Variants in FAM168A observed in about 807,000 individuals in gnomAD.
FAM168A encodes the protein family with sequence similarity 168 member A.
Under a neutral mutation model 28.5 loss-of-function variants are expected in FAM168A, and 3 were observed. That is an observed-to-expected ratio of 0.11 (90% CI 0.05 to 0.27). FAM168A has a LOEUF of 0.27. Ranked by LOEUF, FAM168A falls within the 10% of genes least tolerant of loss-of-function variation. The probability of loss-of-function intolerance (pLI) is 1.00; values close to 1 mark genes in which losing one functional copy is unlikely to be tolerated. For missense variants in FAM168A, 222 were observed against 311.5 expected, an observed-to-expected ratio of 0.71 and a Z score of 2.16; for synonymous variants, 122 against 124.2, an observed-to-expected ratio of 0.98 and a Z score of 0.12.
intron 1 of FAM168A, among the ~76,000 whole-genome samples, chr11:73,494,210 T>C (rs931339133): frequency 2.0e-5 from 3 of 152,130 alleles, no homozygotes; most frequent in Non-Finnish European, 4.4e-5. Context: ...TCAAAGATCA[T>C]TTAATTTAAG....
intron 1 of FAM168A, among the ~76,000 whole-genome samples, chr11:73,485,651 G>A (rs141839767): frequency 3.0e-4 from 46 of 151,832 alleles, no homozygotes; most frequent in African/African-American, 9.9e-4. Context: ...TTTGTTTTTC[G>A]TCCTATTTTA....
chr11:73,431,954 CTCTAA>C (rs1392314447), intron 2 of FAM168A, among the ~76,000 whole-genome samples: 2 of 152,134 alleles, frequency 1.3e-5, no homozygotes, highest in Non-Finnish European at 2.9e-5. Flanking sequence ...GCCTGGTAAC[CTCTAA>C]TCTACTTTCT....
At chr11:73,557,178 T>C (rs1943901508) in intron 1 of FAM168A, among the ~76,000 whole-genome samples, 1 of 152,176 alleles carries the variant, frequency 6.6e-6, no homozygotes, top group Non-Finnish European at 1.5e-5. Context: ...GGAAGGAAAT[T>C]CTGACACGTA....
chr11:73,418,498 CTT>C (rs1565235995), intron 4 of FAM168A, among the ~76,000 whole-genome samples: 2 of 152,240 alleles, frequency 1.3e-5, no homozygotes, highest in Non-Finnish European at 2.9e-5. Context: ...AATTAAACCT[CTT>C]TTCTTTATGA....
intron 1 of FAM168A, among the ~76,000 whole-genome samples, chr11:73,580,958 T>C (rs1944235805): frequency 6.6e-6 from 1 of 152,240 alleles, no homozygotes; most frequent in Non-Finnish European, 1.5e-5. Flanking sequence ...TGTCAGGCAA[T>C]CTGGACTTTC....
intron 1 of FAM168A, among the ~76,000 whole-genome samples, chr11:73,525,881 A>C (rs1354880491): frequency 6.6e-6 from 1 of 152,184 alleles, no homozygotes; most frequent in African/African-American, 2.4e-5. Flanking sequence ...ACATGTTCAA[A>C]TTACCTTATT....
intron 2 of FAM168A, among the ~76,000 whole-genome samples, chr11:73,456,414 G>T (rs760530082): frequency 2.6e-5 from 4 of 152,180 alleles, no homozygotes; most frequent in Non-Finnish European, 4.4e-5. Flanking sequence ...ATACTGCTAT[G>T]TCTTGAGCTA....
chr11:73,492,283 AC>A (rs1868139382), intron 1 of FAM168A, among the ~76,000 whole-genome samples: 2 of 152,228 alleles, frequency 1.3e-5, no homozygotes, highest in African/African-American at 4.8e-5. Flanking sequence ...TCACTTAACA[AC>A]ATAACCAGCA....
rs151249596 is a variant in FAM168A, at chr11:73,472,672, G to GTACT, written c.-18-4181_-18-4180insAGTA. ...AACAGTTCAGATGAAAGATGATGGT[G>GTACT]GTAGTAGCAGTGATGGTGGTGGTGG... is the stretch of plus-strand genomic sequence containing the variant. On this transcript the variant is annotated intron_variant, in intron 1 of 7. Transcript: ENST00000356467. 9.9e-3 allele frequency among the ~76,000 whole-genome samples: 1,502 copies of GTACT among 152,244 alleles called. 27 individuals are homozygous for GTACT. The highest frequency in any genetic ancestry group is 0.034 in the African/African-American group (1,400 of 41,534).
chr11:73,426,671 ATGTGTGTGTG>A (rs199657971), intron 3 of FAM168A, among the ~76,000 whole-genome samples: 3 of 143,692 alleles, frequency 2.1e-5, no homozygotes, highest in Non-Finnish European at 1.5e-5. Flanking sequence ...GTGTGTGTGT[ATGTGTGTGTG>A]TGTGTAGGAT....
intron 1 of FAM168A, among the ~76,000 whole-genome samples, chr11:73,577,585 A>G (rs1323501632): frequency 6.6e-6 from 1 of 152,240 alleles, no homozygotes; most frequent in African/African-American, 2.4e-5. Context: ...ATTCACTTTC[A>G]GAATTCTCCT....
Position 73,512,546 on chromosome 11 carries a change from GA to G in FAM168A, c.-18-44055del, listed in dbSNP as rs539431277. Among the ~76,000 whole-genome samples, 303 of 151,900 alleles carry G rather than the reference GA, an allele frequency of 2.0e-3. 3 individuals are homozygous for G. Among genetic ancestry groups the G allele is most frequent in the African/African-American group, 7.1e-3 (296 of 41,434 alleles). On this transcript the variant is annotated intron_variant, in intron 1 of 7. Transcript: ENST00000356467. ...TCTGAATTGTGTACTTTCAAAGGGG[GA>G]TAAGGGTGGATTTTACAATATATGA...
chr11:73,547,944 A>C (rs1943780292), intron 1 of FAM168A, among the ~76,000 whole-genome samples: 1 of 152,210 alleles, frequency 6.6e-6, no homozygotes, highest in Non-Finnish European at 1.5e-5. Context: ...GCATGGATGA[A>C]TCTCGAAGAT....
At chr11:73,592,846 A>T (rs1203256232) in intron 1 of FAM168A, among the ~76,000 whole-genome samples, 1 of 150,258 alleles carries the variant, frequency 6.7e-6, no homozygotes, top group Non-Finnish European at 1.5e-5. Context: ...CTTGACCAGG[A>T]CAACATAGCG....
chr11:73,493,551 G>T (rs1185676392), intron 1 of FAM168A, among the ~76,000 whole-genome samples: 1 of 152,044 alleles, frequency 6.6e-6, no homozygotes, highest in African/African-American at 2.4e-5. Flanking sequence ...AAGTAGCTGG[G>T]TCTACCGACG....
intron 1 of FAM168A, among the ~76,000 whole-genome samples, chr11:73,571,594 T>G (rs1239705770): frequency 1.3e-5 from 2 of 151,650 alleles, no homozygotes; most frequent in South Asian, 2.1e-4. Context: ...CTCGGCTCGC[T>G]ACAACCTCCA....
chr11:73,450,131 A>T (rs897462510), intron 2 of FAM168A, among the ~76,000 whole-genome samples: 8 of 152,232 alleles, frequency 5.3e-5, no homozygotes, highest in African/African-American at 1.9e-4. Flanking sequence ...CCCTGTGTCC[A>T]GGGTTTAGGA....
intron 6 of FAM168A, 53 bp downstream of exon 6, chr11:73,409,434 G>A (rs972771418): frequency 8.1e-6 from 13 of 1,604,950 alleles, no homozygotes; most frequent in African/African-American, 5.4e-5. Context: ...TCTCTGCTCC[G>A]TTTTGAGTTC....
chr11:73,400,868 A>G lies in FAM168A; in HGVS notation c.*5895T>C, dbSNP rs1448226346. The G allele has an allele frequency of 6.6e-6, 1 of 151,880 alleles. No individual in the cohort carries two copies. Among genetic ancestry groups the G allele is most frequent in the Admixed American group, 6.6e-5 (1 of 15,266 alleles). 9.4% of individuals were successfully genotyped at this position (151,880 alleles called of 1,614,324 possible). A position where few individuals can be genotyped will look rare whatever the true frequency, so the allele number is the denominator to read the frequency against. ...CTTACAGTAAATACCATAGTTACAAATTCTTGGCTTCAATCTTTCAGAGTG... is the reference window on the plus strand; with the variant it reads ...CTTACAGTAAATACCATAGTTACAAGTTCTTGGCTTCAATCTTTCAGAGTG... On this transcript the variant is annotated 3_prime_UTR_variant, in exon 8 of 8. Coordinates refer to ENST00000356467, the MANE Select transcript of FAM168A (RefSeq NM_015159.3).
Sources: gnomAD v4.1 joint callset for allele counts (sites outside exome capture counted in the v4.1 genomes callset) on GRCh38, gnomAD v4.1.1 for gene constraint, MANE v1.5 for transcripts, NCBI Gene and HGNC (gene_info 2026-07-23, HGNC 2026-07-21) for gene names.